Variants in SERINC5 observed in about 807,000 individuals in gnomAD.
SERINC5 encodes the protein serine incorporator 5, also known as chromosome 5 open reading frame 12.
A neutral mutation model predicts 63.1 loss-of-function variants in SERINC5; 41 were observed. The ratio of observed to expected loss-of-function variants is 0.65; its 90% CI spans 0.51 to 0.84. The LOEUF (loss-of-function observed/expected upper bound fraction) is 0.84. SERINC5 is among the 40% of genes least tolerant of loss of function. SERINC5 has a pLI of 0.00. For synonymous variants in SERINC5, 222 were observed against 215.2 expected (o/e 1.03, Z -0.28); for missense variants, 523 against 573.0 (o/e 0.91, Z 0.89).
At chr5:80,202,361 C>A (rs12519047) in intron 2 of SERINC5, among the ~76,000 whole-genome samples, 18,143 of 152,094 alleles carry the variant, frequency 0.12, 1,894 homozygotes, top group East Asian at 0.49. Context: ...ATAAAATACA[C>A]AATCGTCTGA....
chr5:80,180,679 A>G (rs1748361306), intron 2 of SERINC5, among the ~76,000 whole-genome samples: 2 of 152,246 alleles, frequency 1.3e-5, no homozygotes, highest in African/African-American at 4.8e-5. Flanking sequence ...CAAATGCAAC[A>G]TTCTCCTGAG....
chr5:80,178,537 A>ATTT (rs1182662594), intron 2 of SERINC5, among the ~76,000 whole-genome samples: 168 of 77,546 alleles, frequency 2.2e-3, no homozygotes, highest in African/African-American at 5.2e-3. Flanking sequence ...TAATTTTTGT[A>ATTT]TTTTTTTTTT....
At chr5:80,119,732 C>G (rs1325230901) in intron 11 of SERINC5, among the ~76,000 whole-genome samples, 1 of 152,202 alleles carries the variant, frequency 6.6e-6, no homozygotes, top group Non-Finnish European at 1.5e-5. Context: ...TGGTATATTA[C>G]AAACATTACA....
At chr5:80,210,314 A>T (rs757832538) in intron 1 of SERINC5, among the ~76,000 whole-genome samples, 2 of 152,152 alleles carry the variant, frequency 1.3e-5, no homozygotes, top group Non-Finnish European at 2.9e-5. Context: ...ACTCTTGCTT[A>T]TCTTACCTGA....
intron 1 of SERINC5, among the ~76,000 whole-genome samples, chr5:80,220,448 G>A (rs1750852992): frequency 6.6e-6 from 1 of 152,198 alleles, no homozygotes; most frequent in African/African-American, 2.4e-5. Flanking sequence ...GGCTGTTCAG[G>A]AAACAGATCT....
At chr5:80,179,845 G>A (rs1748302935) in intron 2 of SERINC5, among the ~76,000 whole-genome samples, 1 of 152,164 alleles carries the variant, frequency 6.6e-6, no homozygotes, top group Non-Finnish European at 1.5e-5. Flanking sequence ...ACTTCAAGAT[G>A]AGTTAAATCA....
At chr5:80,229,050 T>TGGGGGGGGG (rs1174325559) in intron 1 of SERINC5, among the ~76,000 whole-genome samples, 11,018 of 93,714 alleles carry the variant, frequency 0.12, 1,824 homozygotes, top group Admixed American at 0.14. Flanking sequence ...TTTTTTTTTT[T>TGGGGGGGGG]GGGGATGGAG....
intron 1 of SERINC5, among the ~76,000 whole-genome samples, chr5:80,219,270 A>G (rs1327910916): frequency 6.6e-6 from 1 of 152,216 alleles, no homozygotes; most frequent in Non-Finnish European, 1.5e-5. Context: ...TGGTAGTGCC[A>G]TGAAAGTCCT....
At chr5:80,162,519 G>A (rs920265790) in intron 7 of SERINC5, among the ~76,000 whole-genome samples, 2 of 152,064 alleles carry the variant, frequency 1.3e-5, no homozygotes, top group African/African-American at 4.8e-5. Context: ...AACTACAGGT[G>A]CATGCCACCA....
At chr5:80,190,832 A>G (rs1265286606) in intron 2 of SERINC5, among the ~76,000 whole-genome samples, 1 of 152,182 alleles carries the variant, frequency 6.6e-6, no homozygotes, top group East Asian at 1.9e-4. Context: ...TACATGGCAG[A>G]CATTTAAGTT....
chr5:80,161,407 A>T (rs560183813), intron 7 of SERINC5, among the ~76,000 whole-genome samples: 1 of 152,112 alleles, frequency 6.6e-6, no homozygotes, highest in Non-Finnish European at 1.5e-5. Context: ...GTGTGAAATG[A>T]CATCTAGTTA....
Position 80,140,363 on chromosome 5 carries a change from A to G in SERINC5, c.*3300T>C, listed in dbSNP as rs55777108. 560,569 of 968,988 alleles carry G rather than the reference A, an allele frequency of 0.58. 162,916 individuals carry two copies. The highest frequency in any genetic ancestry group is 0.73 in the African/African-American group (39,472 of 54,276). 60.0% of individuals were successfully genotyped at this position (968,988 alleles called of 1,614,324 possible). A position where few individuals can be genotyped will look rare whatever the true frequency, so the allele number is the denominator to read the frequency against. ...AGGGTGACAATTTTGACATGGGGAC[A>G]GGAAATTAACATTACACTGAGGTTA... is the stretch of plus-strand genomic sequence containing the variant. On this transcript the variant is annotated 3_prime_UTR_variant, in exon 12 of 12. Coordinates refer to ENST00000507668, the MANE Select transcript of SERINC5 (RefSeq NM_001174072.3).
intron 1 of SERINC5, among the ~76,000 whole-genome samples, chr5:80,226,498 C>T (rs1751170414): frequency 6.6e-6 from 1 of 152,114 alleles, no homozygotes; most frequent in Non-Finnish European, 1.5e-5. Context: ...CCTCCTCCAC[C>T]TACTCCCCTA....
rs956565390 is a variant in SERINC5, at chr5:80,190,453, G to T, written c.196-12389C>A. 2.0e-5 allele frequency among the ~76,000 whole-genome samples: 3 copies of T among 151,998 alleles called. No individual in the cohort carries two copies. In the South Asian group the frequency reaches 6.2e-4, roughly 31 times the overall value. On this transcript the variant is annotated intron_variant, in intron 2 of 11. Transcript: ENST00000507668. ...AGTTTGCATGTATAATCTTCATTCC[G>T]TACTATATGTTACATGACATACACA...
intron 4 of SERINC5, among the ~76,000 whole-genome samples, chr5:80,175,409 G>C (rs928869966): frequency 1.3e-5 from 2 of 152,074 alleles, no homozygotes; most frequent in Non-Finnish European, 2.9e-5. Context: ...CATATTGCCA[G>C]GAAAATCAAA....
intron 1 of SERINC5, among the ~76,000 whole-genome samples, chr5:80,205,331 A>T (rs6860041): frequency 0.038 from 5,756 of 152,316 alleles, 182 homozygotes; most frequent in African/African-American, 0.084. Flanking sequence ...ACGGACTTGG[A>T]TAACACCTCG....
chr5:80,183,385 CCAGCGAGAA>C (rs1252511445), intron 2 of SERINC5, among the ~76,000 whole-genome samples: 2 of 152,050 alleles, frequency 1.3e-5, no homozygotes, highest in Admixed American at 1.3e-4. Context: ...AAGGGGTATC[CCAGCGAGAA>C]CAGTCTGGTC....
At chr5:80,179,066 G>A (rs566899165) in intron 2 of SERINC5, among the ~76,000 whole-genome samples, 1 of 152,262 alleles carries the variant, frequency 6.6e-6, no homozygotes, top group East Asian at 1.9e-4. Flanking sequence ...TTGGGAGGCC[G>A]AGGTGGGTGG....
chr5:80,201,777 C>T (rs186455060), intron 2 of SERINC5, among the ~76,000 whole-genome samples: 2 of 152,280 alleles, frequency 1.3e-5, no homozygotes, highest in East Asian at 3.9e-4. Context: ...GACCAAAGAA[C>T]GGCCAAAAAT....
Sources: gnomAD v4.1 joint callset for allele counts (sites outside exome capture counted in the v4.1 genomes callset) on GRCh38, gnomAD v4.1.1 for gene constraint, MANE v1.5 for transcripts, NCBI Gene and HGNC (gene_info 2026-07-23, HGNC 2026-07-21) for gene names.